The following LRFN5 variants were observed in gnomAD, a reference collection of about 807,000 sequenced individuals.
LRFN5 encodes leucine rich repeat and fibronectin type III domain containing 5, also known as leucine-rich repeat and fibronectin type-III domain-containing protein 5.
In LRFN5, 24 loss-of-function variants were observed where a neutral mutation model predicts 45.6. That is an observed-to-expected ratio of 0.53 (90% CI 0.38 to 0.74). The LOEUF (loss-of-function observed/expected upper bound fraction) is 0.74, where lower values mean the gene tolerates loss of function less well. Ranked by LOEUF, LRFN5 falls within the 30% of genes least tolerant of loss-of-function variation. The pLI is 0.00. For synonymous variants in LRFN5, 340 were observed against 313.8 expected (o/e 1.08, Z -0.88); for missense variants, 776 against 861.5 (o/e 0.90, Z 1.24).
intron 1 of LRFN5, among the ~76,000 whole-genome samples, chr14:41,726,929 T>C (rs1040205602): frequency 1.3e-5 from 2 of 152,174 alleles, no homozygotes; most frequent in Admixed American, 6.5e-5. Flanking sequence ...TTATGTAAAA[T>C]TATTTACTTT....
At chr14:41,873,401 GAGAA>G (rs1381155334) in intron 2 of LRFN5, among the ~76,000 whole-genome samples, 4 of 127,340 alleles carry the variant, frequency 3.1e-5, no homozygotes, top group Admixed American at 8.5e-5. Context: ...AAAGAGAGAG[GAGAA>G]AGAGAGAGAG....
intron 1 of LRFN5, among the ~76,000 whole-genome samples, chr14:41,642,086 A>C (rs1879604334): frequency 6.6e-6 from 1 of 152,178 alleles, no homozygotes; most frequent in South Asian, 2.1e-4. Flanking sequence ...AACACATGTA[A>C]GACCTTGTCT....
chr14:41,882,544 G>A lies in LRFN5; in HGVS notation c.-20-4062G>A, dbSNP rs748064329. Among the ~76,000 whole-genome samples the A allele has an allele frequency of 1.8e-4, 27 of 151,632 alleles. 1 individual carries two copies. The highest frequency in any genetic ancestry group is 3.4e-4 in the African/African-American group (14 of 41,336). Reference sequence around the variant, plus strand: ...CCTTTCCTTCCTCAATTTTTTTCTCGTCTGAAAATAAGGTGTATCTGAGAG... The same window carrying A: ...CCTTTCCTTCCTCAATTTTTTTCTCATCTGAAAATAAGGTGTATCTGAGAG... On this transcript the variant is annotated intron_variant, in intron 2 of 5. Coordinates refer to ENST00000298119, the MANE Select transcript of LRFN5 (RefSeq NM_152447.5).
chr14:41,893,949 G>A, intron 4 of LRFN5: 8 of 985,134 alleles, frequency 8.1e-6, no homozygotes, highest in Non-Finnish European at 9.6e-6. Context: ...AGCACTCAGA[G>A]TGAAATATAT....
At chr14:41,675,002 A>G (rs530720851) in intron 1 of LRFN5, among the ~76,000 whole-genome samples, 1 of 142,210 alleles carries the variant, frequency 7.0e-6, no homozygotes, top group Non-Finnish European at 1.5e-5. Flanking sequence ...ATCTCAGACG[A>G]TGGGCGGCCG....
At chr14:41,871,520 C>T (rs1890018910) in intron 2 of LRFN5, among the ~76,000 whole-genome samples, 1 of 151,576 alleles carries the variant, frequency 6.6e-6, no homozygotes, top group Non-Finnish European at 1.5e-5. Context: ...ACCCGGGAGG[C>T]GGAGGTTGTA....
intron 2 of LRFN5, among the ~76,000 whole-genome samples, chr14:41,791,835 A>G (rs1159694598): frequency 3.3e-5 from 5 of 152,112 alleles, no homozygotes; most frequent in Non-Finnish European, 5.9e-5. Context: ...TTTATGCTAG[A>G]TAAGACTTTT....
chr14:41,893,725 T>C, intron 4 of LRFN5: 1 of 985,350 alleles, frequency 1.0e-6, no homozygotes, highest in Non-Finnish European at 1.2e-6. Context: ...ATTAAAGTAG[T>C]TAGAGATTAC....
intron 1 of LRFN5, among the ~76,000 whole-genome samples, chr14:41,638,604 T>C (rs1879419187): frequency 6.6e-6 from 1 of 152,180 alleles, no homozygotes; most frequent in African/African-American, 2.4e-5. Flanking sequence ...TCTCCTAGTA[T>C]TGTATATTGA....
At chr14:41,862,983 G>T (rs1435712135) in intron 2 of LRFN5, among the ~76,000 whole-genome samples, 3 of 150,122 alleles carry the variant, frequency 2.0e-5, no homozygotes, top group African/African-American at 7.4e-5. Context: ...TCCTGCCTCA[G>T]CCTCCCGAGT....
chr14:41,802,656 A>G (rs1446449863), intron 2 of LRFN5, among the ~76,000 whole-genome samples: 2 of 152,182 alleles, frequency 1.3e-5, no homozygotes, highest in Admixed American at 1.3e-4. Context: ...TTTAAATTTT[A>G]CATGCAAACT....
At chr14:41,783,375 C>A (rs1229664672) in intron 2 of LRFN5, among the ~76,000 whole-genome samples, 2 of 152,066 alleles carry the variant, frequency 1.3e-5, no homozygotes, top group Non-Finnish European at 2.9e-5. Context: ...TCTGGATGTG[C>A]CTGAGTCTCC....
chr14:41,644,928 T>G (rs1879742800), intron 1 of LRFN5, among the ~76,000 whole-genome samples: 1 of 152,100 alleles, frequency 6.6e-6, no homozygotes, highest in Admixed American at 6.6e-5. Context: ...AATTAAAACA[T>G]GGTTTCTTTT....
intron 1 of LRFN5, among the ~76,000 whole-genome samples, chr14:41,681,943 T>C (rs1327691593): frequency 2.6e-5 from 4 of 151,762 alleles, no homozygotes; most frequent in African/African-American, 9.7e-5. Context: ...CTCAGCCTCC[T>C]GAGTATCTGG....
At chr14:41,673,052 T>G (rs936616676) in intron 1 of LRFN5, among the ~76,000 whole-genome samples, 1 of 151,910 alleles carries the variant, frequency 6.6e-6, no homozygotes, top group Non-Finnish European at 1.5e-5. Context: ...TTATTTATTT[T>G]TTCACAAGGC....
chr14:41,806,939 T>C (rs753203160), intron 2 of LRFN5, among the ~76,000 whole-genome samples: 1 of 152,088 alleles, frequency 6.6e-6, no homozygotes, highest in Non-Finnish European at 1.5e-5. Flanking sequence ...ACCCCTAAAC[T>C]ACTAAACTAA....
intron 2 of LRFN5, among the ~76,000 whole-genome samples, chr14:41,867,662 C>T (rs1594479319): frequency 6.6e-6 from 1 of 152,110 alleles, no homozygotes; most frequent in African/African-American, 2.4e-5. Flanking sequence ...ATATTACATT[C>T]TCCTTATGTA....
At chr14:41,825,414 G>T (rs943145372) in intron 2 of LRFN5, among the ~76,000 whole-genome samples, 1 of 152,196 alleles carries the variant, frequency 6.6e-6, no homozygotes, top group African/African-American at 2.4e-5. Context: ...AAGGAGAACA[G>T]TCACCTTCAG....
At chr14:41,681,799 T>A (rs868814314) in intron 1 of LRFN5, among the ~76,000 whole-genome samples, 5 of 88,832 alleles carry the variant, frequency 5.6e-5, no homozygotes, top group Admixed American at 2.3e-4. Context: ...TATTTTATTT[T>A]ATTTATTTAT....
Sources: allele counts gnomAD v4.1 joint callset (sites outside exome capture counted in the v4.1 genomes callset), GRCh38; gene constraint gnomAD v4.1.1; transcripts MANE v1.5; gene names NCBI Gene and HGNC (gene_info 2026-07-23, HGNC 2026-07-21).